SLC38A1: variants seen among roughly 807,000 people sequenced by gnomAD.
SLC38A1 encodes the protein sodium-coupled neutral amino acid symporter 1.
In SLC38A1, 18 loss-of-function variants were observed where a neutral mutation model predicts 60.3. The observed-to-expected ratio is 0.30, with a 90% CI of 0.21 to 0.44. SLC38A1 has a LOEUF of 0.44. SLC38A1 is among the 20% of genes least tolerant of loss of function. SLC38A1 has a pLI of 1.00. For missense variants in SLC38A1, 448 were observed against 587.2 expected, an observed-to-expected ratio of 0.76 and a Z score of 2.45; for synonymous variants, 196 against 212.1, an observed-to-expected ratio of 0.92 and a Z score of 0.66.
At chr12:46,217,628 G>A (rs1458131352) in intron 5 of SLC38A1, among the ~76,000 whole-genome samples, 1 of 152,248 alleles carries the variant, frequency 6.6e-6, no homozygotes, top group East Asian at 1.9e-4. Flanking sequence ...TTTGATTAAG[G>A]AGCTCACAAA....
intron 1 of SLC38A1, among the ~76,000 whole-genome samples, chr12:46,263,316 AAGGAACT>A (rs1371809506): frequency 1.3e-5 from 2 of 152,222 alleles, no homozygotes; most frequent in Non-Finnish European, 2.9e-5. Flanking sequence ...GACTGGGCAT[AAGGAACT>A]AGAGAACACA....
rs1366892408 is a variant in SLC38A1, at chr12:46,239,769, G to A, written c.32C>T (p.Thr11Ile). MMHFKSGLEL[T>I]ELQNMTVPED... ...GGGCACTGTCATGTTTTGCAACTCA[G>A]TTAATTCGAGTCCACTTTTGAAATG... Residue 11 changes from threonine to isoleucine, a missense_variant, in exon 3 of 17, where the codon ACT (threonine) becomes ATT (isoleucine). Around this residue, in one of 2 missense-constraint regions of SLC38A1, gnomAD observed 102 missense variants for 89.7 expected, o/e 1.14. Transcript: ENST00000398637. The A allele has an allele frequency of 1.2e-6, 2 of 1,613,022 alleles. No individual in the cohort carries two copies. The highest frequency in any genetic ancestry group is 4.5e-5 in the East Asian group (2 of 44,886).
chr12:46,261,929 T>C (rs1029480425), intron 1 of SLC38A1, among the ~76,000 whole-genome samples: 2 of 152,152 alleles, frequency 1.3e-5, no homozygotes, highest in African/African-American at 4.8e-5. Context: ...AGGCATCTAG[T>C]TGAGAAAGAC....
In SLC38A1 at chr12:46,201,218, A is replaced by T. The variant is rs779715801; in HGVS notation, c.903-20T>A. On this transcript the variant is annotated intron_variant, in intron 12 of 16. Coordinates refer to ENST00000398637, the MANE Select transcript of SLC38A1 (RefSeq NM_030674.4). ...GATCGGCTAAAAACAAATAAATGTT[A>T]AAAATTAAAAATCATATGACTGAAT... 5 of 1,573,944 alleles carry T rather than the reference A, an allele frequency of 3.2e-6. No homozygotes were observed. Among genetic ancestry groups the T allele is most frequent in the Non-Finnish European group, 4.4e-6 (5 of 1,148,114 alleles).
At chr12:46,206,193 T>A in intron 8 of SLC38A1, 31 bp from the exon 9 acceptor site, 1 of 1,434,568 alleles carries the variant, frequency 7.0e-7, no homozygotes, top group African/African-American at 1.4e-5. Flanking sequence ...TAGGTTATAT[T>A]TTTTTAGAAA....
At chr12:46,220,118 T>C (rs530558093) in intron 5 of SLC38A1, among the ~76,000 whole-genome samples, 2 of 152,350 alleles carry the variant, frequency 1.3e-5, no homozygotes, top group South Asian at 4.1e-4. Context: ...CTATTTCTGT[T>C]TACAAAATAG....
At chr12:46,198,580 C>T in intron 14 of SLC38A1, 45 bp downstream of exon 14, 1 of 1,357,794 alleles carries the variant, frequency 7.4e-7, no homozygotes, top group Non-Finnish European at 1.0e-6. Context: ...AGAAGGAAAG[C>T]CGAGACCTCA....
intron 5 of SLC38A1, among the ~76,000 whole-genome samples, chr12:46,221,699 G>T (rs1940665264): frequency 6.6e-6 from 1 of 152,236 alleles, no homozygotes; most frequent in African/African-American, 2.4e-5. Flanking sequence ...GCGGGAGGAA[G>T]ATGATTTCAA....
intron 16 of SLC38A1, chr12:46,197,380 C>T (rs557924414): frequency 1.7e-5 from 3 of 177,652 alleles, no homozygotes; most frequent in Admixed American, 6.4e-5. Context: ...GGCATGGTGG[C>T]GGGCGCCTGT....
intron 1 of SLC38A1, among the ~76,000 whole-genome samples, chr12:46,248,878 C>A (rs1206825593): frequency 2.0e-5 from 3 of 152,140 alleles, no homozygotes; most frequent in Non-Finnish European, 4.4e-5. Flanking sequence ...CACTCAAGGC[C>A]AGGTGCGATG....
Position 46,188,747 on chromosome 12 carries a change from G to T in SLC38A1, c.*223C>A. The T allele has an allele frequency of 4.9e-6, 2 of 404,730 alleles. No homozygotes were observed. Among genetic ancestry groups the T allele is most frequent in the Non-Finnish European group, 4.5e-6 (1 of 223,412 alleles). 25.1% of individuals were successfully genotyped at this position (404,730 alleles called of 1,614,324 possible). ...TGGGAAATATGATTGTATGAAATTTGAAAAAAAAATTTCACAATCCCTAAA... is the reference window on the plus strand; with the variant it reads ...TGGGAAATATGATTGTATGAAATTTTAAAAAAAAATTTCACAATCCCTAAA... On this transcript the variant is annotated 3_prime_UTR_variant, in exon 17 of 17. Transcript: ENST00000398637.
At chr12:46,232,516 C>A (rs1688267320) in intron 3 of SLC38A1, among the ~76,000 whole-genome samples, 1 of 152,224 alleles carries the variant, frequency 6.6e-6, no homozygotes, top group South Asian at 2.1e-4. Context: ...TGTTTTGAAT[C>A]TTTCCACAGA....
chr12:46,256,131 A>C (rs536614288), intron 1 of SLC38A1, among the ~76,000 whole-genome samples: 3 of 146,344 alleles, frequency 2.0e-5, no homozygotes, highest in Non-Finnish European at 4.5e-5. Flanking sequence ...ACGCCACTGC[A>C]CTCCAGCCTG....
chr12:46,206,528 G>C (rs1592083327), intron 8 of SLC38A1, among the ~76,000 whole-genome samples: 1 of 152,074 alleles, frequency 6.6e-6, no homozygotes, highest in African/African-American at 2.4e-5. Context: ...TGCTGGGCTA[G>C]TATCAGTGAG....
chr12:46,233,918 A>G (rs1156764071), intron 3 of SLC38A1, among the ~76,000 whole-genome samples: 1 of 152,164 alleles, frequency 6.6e-6, no homozygotes, highest in Non-Finnish European at 1.5e-5. Flanking sequence ...TTTTGCCTCA[A>G]TGTTCCAATC....
intron 5 of SLC38A1, among the ~76,000 whole-genome samples, chr12:46,225,832 G>A (rs1330064788): frequency 6.6e-6 from 1 of 151,878 alleles, no homozygotes; most frequent in East Asian, 1.9e-4. Flanking sequence ...TGTACCTCAG[G>A]GATACAAACA....
At chr12:46,267,934 C>T (rs1942410146) in intron 1 of SLC38A1, among the ~76,000 whole-genome samples, 1 of 152,204 alleles carries the variant, frequency 6.6e-6, no homozygotes, top group Non-Finnish European at 1.5e-5. Context: ...TAATTTCTCC[C>T]CGCGCCCTCC....
chr12:46,256,468 C>T lies in SLC38A1; in HGVS notation c.-209+12058G>A, dbSNP rs112378264. On this transcript the variant is annotated intron_variant, in intron 1 of 16. Coordinates refer to ENST00000398637, the MANE Select transcript of SLC38A1 (RefSeq NM_030674.4). ...GACAAACAGAAGACAAAGGATGATC[C>T]CTTAAGCTGGGAATTCAACCCCGAA... 1.6e-3 allele frequency among the ~76,000 whole-genome samples: 247 copies of T among 152,072 alleles called. 2 individuals are homozygous for T. Among genetic ancestry groups the T allele is most frequent in the African/African-American group, 5.5e-3 (228 of 41,452 alleles).
chr12:46,206,379 G>GC (rs1939902165), intron 8 of SLC38A1, among the ~76,000 whole-genome samples: 1 of 137,812 alleles, frequency 7.3e-6, no homozygotes, highest in African/African-American at 3.1e-5. Context: ...AGGGAATATT[G>GC]GTTTTTTTTT....
Sources: allele counts gnomAD v4.1 joint callset (sites outside exome capture counted in the v4.1 genomes callset), GRCh38; gene constraint gnomAD v4.1.1; regional missense constraint gnomAD v4.1.1; transcripts MANE v1.5; gene names NCBI Gene and HGNC (gene_info 2026-07-23, HGNC 2026-07-21).